SYTL5: variants seen among roughly 807,000 people sequenced by gnomAD.
SYTL5 encodes synaptotagmin-like protein 5.
Under a neutral mutation model 55.9 loss-of-function variants are expected in SYTL5, and 34 were observed. The ratio of observed to expected loss-of-function variants is 0.61; its 90% CI spans 0.46 to 0.81. The LOEUF (loss-of-function observed/expected upper bound fraction) is 0.81, where lower values mean the gene tolerates loss of function less well. Ranked by LOEUF, SYTL5 falls within the 30% of genes least tolerant of loss-of-function variation. The pLI, the probability that SYTL5 is intolerant of heterozygous loss-of-function variation, is 0.00. For synonymous variants in SYTL5, 221 were observed against 188.7 expected (o/e 1.17, Z -1.40); for missense variants, 637 against 546.7 (o/e 1.17, Z -1.65).
chrX:37,961,949 GCTCAAGT>G, the SYTL5 span, among the ~76,000 whole-genome samples: 1 of 111,245 alleles, frequency 9.0e-6, no homozygotes, highest in Non-Finnish European at 1.9e-5. Context: ...TACAAACCAA[GCTCAAGT>G]CTCAAGTGCA....
chrX:37,971,133 T>C, the SYTL5 span, among the ~76,000 whole-genome samples: 1 of 111,853 alleles, frequency 8.9e-6, no homozygotes, highest in Non-Finnish European at 1.9e-5. Context: ...ATATTTTTAG[T>C]ATTGAAGATG....
At chrX:38,106,807 C>T (rs1210981925) in intron 11 of SYTL5, 36 bp downstream of exon 11, 36 of 1,102,313 alleles carry the variant, frequency 3.3e-5, no homozygotes, top group Non-Finnish European at 4.2e-5. Flanking sequence ...CTATTTCAGT[C>T]ACTGCCTTTT....
chrX:37,940,460 G>T, the SYTL5 span, among the ~76,000 whole-genome samples: 2 of 99,126 alleles, frequency 2.0e-5, no homozygotes, highest in Non-Finnish European at 4.0e-5. Flanking sequence ...CAGCCTGGGC[G>T]ACAGAGCAAG....
the SYTL5 span, among the ~76,000 whole-genome samples, chrX:37,939,307 CAAG>C: frequency 4.5e-5 from 5 of 110,340 alleles, no homozygotes; most frequent in South Asian, 1.2e-3. Context: ...ACCCATTCCA[CAAG>C]AAGAAGATCA....
intron 6 of SYTL5, among the ~76,000 whole-genome samples, chrX:38,083,495 A>G (rs778079242): frequency 2.7e-5 from 3 of 111,947 alleles, no homozygotes; most frequent in Non-Finnish European, 5.6e-5. Flanking sequence ...TTGAGTGCCC[A>G]CTACCTTATA....
intron 1 of SYTL5, among the ~76,000 whole-genome samples, chrX:38,011,134 C>A (rs974564710): frequency 6.2e-5 from 7 of 112,229 alleles, no homozygotes; most frequent in African/African-American, 2.3e-4. Context: ...TTACATGTTG[C>A]ATCTCCAGTT....
chrX:37,943,932 A>AT, the SYTL5 span, among the ~76,000 whole-genome samples: 2 of 110,975 alleles, frequency 1.8e-5, no homozygotes, highest in Non-Finnish European at 3.8e-5. Flanking sequence ...CTACCCCTTT[A>AT]TTTTTTTCTC....
chrX:37,958,487 A>C, the SYTL5 span, among the ~76,000 whole-genome samples: 1 of 111,085 alleles, frequency 9.0e-6, no homozygotes, highest in South Asian at 3.8e-4. Flanking sequence ...CCATCTCCAA[A>C]TCCCATTAAC....
the SYTL5 span, among the ~76,000 whole-genome samples, chrX:37,904,966 G>A: frequency 9.0e-6 from 1 of 111,073 alleles, no homozygotes; most frequent in Non-Finnish European, 1.9e-5. Flanking sequence ...GCAGGACTGA[G>A]GGCTCATCAC....
the SYTL5 span, among the ~76,000 whole-genome samples, chrX:37,995,210 G>A: frequency 1.8e-5 from 2 of 111,104 alleles, no homozygotes; most frequent in Non-Finnish European, 3.8e-5. Flanking sequence ...CCTGATGCTG[G>A]GGCCTAGGGT....
At position 38,033,767 on chromosome X, in the gene SYTL5, A is replaced by T. The variant is rs1935027688; in HGVS notation, c.-123A>T. 2.4e-6 allele frequency: 1 copy of T among 415,890 alleles called. No individual in the cohort carries two copies. The highest frequency in any genetic ancestry group is 4.2e-6 in the Non-Finnish European group (1 of 236,478). 34.3% of individuals were successfully genotyped at this position (415,890 alleles called of 1,213,427 possible). ...ACGCAATTCTGCAGAGACCTTGTAA[A>T]AATCACACTTTACACCAAACAACTG... On this transcript the variant is annotated 5_prime_UTR_variant, in exon 2 of 17. Transcript: ENST00000297875.
chrX:38,006,122 G>A (rs1356060255), upstream of SYTL5, among the ~76,000 whole-genome samples: 1 of 111,470 alleles, frequency 9.0e-6, no homozygotes, highest in Non-Finnish European at 1.9e-5. Context: ...GGTGACTGTG[G>A]GCAGACTACT....
the SYTL5 span, among the ~76,000 whole-genome samples, chrX:37,940,265 G>A: frequency 9.1e-6 from 1 of 110,267 alleles, no homozygotes; most frequent in South Asian, 3.9e-4. Flanking sequence ...TATTTTATTT[G>A]AATTCCCCTA....
At chrX:37,997,356 G>A in the SYTL5 span, among the ~76,000 whole-genome samples, 1 of 112,203 alleles carries the variant, frequency 8.9e-6, no homozygotes, top group Admixed American at 9.4e-5. Context: ...CCCACTCCAT[G>A]GAGCAGGCAG....
the SYTL5 span, among the ~76,000 whole-genome samples, chrX:37,937,487 C>G: frequency 9.0e-6 from 1 of 111,535 alleles, no homozygotes; most frequent in Non-Finnish European, 1.9e-5. Flanking sequence ...AGTCCTACAA[C>G]TGCAAGAAAT....
At chrX:38,050,669 T>C (rs755410557) in intron 2 of SYTL5, among the ~76,000 whole-genome samples, 10 of 111,479 alleles carry the variant, frequency 9.0e-5, no homozygotes, top group Non-Finnish European at 1.7e-4. Context: ...TGTATGTTTA[T>C]CAGTCAATAT....
intron 1 of SYTL5, among the ~76,000 whole-genome samples, chrX:38,022,639 A>G (rs1171340530): frequency 8.9e-6 from 1 of 112,079 alleles, no homozygotes; most frequent in African/African-American, 3.2e-5. Flanking sequence ...CATTGGGATC[A>G]CCCATCTAAT....
chrX:38,062,478 T>TA (rs1935981147), intron 3 of SYTL5, among the ~76,000 whole-genome samples: 1 of 112,073 alleles, frequency 8.9e-6, no homozygotes, highest in Non-Finnish European at 1.9e-5. Flanking sequence ...ACTGAGTGTT[T>TA]ATCAGTAAAA....
At chrX:37,904,606 ATG>A in the SYTL5 span, among the ~76,000 whole-genome samples, 3 of 111,382 alleles carry the variant, frequency 2.7e-5, no homozygotes, top group East Asian at 8.5e-4. Flanking sequence ...ATTTTCCACT[ATG>A]TGTTAGGCCA....
Sources: gnomAD v4.1 joint callset for allele counts (sites outside exome capture counted in the v4.1 genomes callset) on GRCh38, gnomAD v4.1.1 for gene constraint, MANE v1.5 for transcripts, NCBI Gene and HGNC (gene_info 2026-07-23, HGNC 2026-07-21) for gene names.